The following CNTNAP2 variants were observed in gnomAD, a reference collection of about 807,000 sequenced individuals.
The protein encoded by CNTNAP2 is contactin associated protein 2.
CNTNAP2 carries 98 observed loss-of-function variants against 155.2 expected under a neutral mutation model. The observed-to-expected ratio is 0.63, with a 90% CI of 0.54 to 0.75. The LOEUF is 0.75. Ranked by LOEUF, CNTNAP2 falls within the 30% of genes least tolerant of loss-of-function variation. CNTNAP2 has a pLI of 0.00. For synonymous variants in CNTNAP2, 651 were observed against 631.2 expected, an observed-to-expected ratio of 1.03 and a Z score of -0.47; for missense variants, 1,727 against 1,688.1, an observed-to-expected ratio of 1.02 and a Z score of -0.40.
At chr7:146,426,493 A>G (rs1796093434) in intron 1 of CNTNAP2, among the ~76,000 whole-genome samples, 1 of 151,236 alleles carries the variant, frequency 6.6e-6, no homozygotes, top group African/African-American at 2.4e-5. Flanking sequence ...ACATATACAC[A>G]TATATATCTA....
intron 13 of CNTNAP2, among the ~76,000 whole-genome samples, chr7:147,791,045 A>G (rs186394009): frequency 2.4e-4 from 37 of 152,232 alleles, no homozygotes; most frequent in Non-Finnish European, 4.0e-4. Flanking sequence ...CTATTACATT[A>G]TTATTTTTAA....
intron 13 of CNTNAP2, among the ~76,000 whole-genome samples, chr7:147,882,589 A>G (rs993129908): frequency 6.6e-6 from 1 of 152,200 alleles, no homozygotes; most frequent in Admixed American, 6.5e-5. Context: ...TAGTGGGACC[A>G]GAGTGGAGGT....
At chr7:146,524,016 A>C (rs748023569) in intron 1 of CNTNAP2, among the ~76,000 whole-genome samples, 1 of 152,124 alleles carries the variant, frequency 6.6e-6, no homozygotes, top group African/African-American at 2.4e-5. Context: ...CAGTAAGCTA[A>C]ATTCCAGATG....
At chr7:148,356,996 A>G (rs557416244) in intron 21 of CNTNAP2, among the ~76,000 whole-genome samples, 1 of 152,180 alleles carries the variant, frequency 6.6e-6, no homozygotes, top group South Asian at 2.1e-4. Flanking sequence ...CCTGCGTGAT[A>G]TATACTGTAG....
chr7:146,721,889 A>ATATATATATATTTTTTTTT lies in CNTNAP2; in HGVS notation c.98-52381_98-52380insATATATATATTTTTTTTTT. Among the ~76,000 whole-genome samples, 2 of 69,738 alleles carry ATATATATATATTTTTTTTT rather than the reference A, an allele frequency of 2.9e-5. 1 individual carries two copies. Among genetic ancestry groups the ATATATATATATTTTTTTTT allele is most frequent in the African/African-American group, 3.8e-4 (2 of 5,258 alleles). The allele number at this position is 69,738 out of a possible 152,430, so 45.8% of individuals were successfully genotyped here. A position where few individuals can be genotyped will look rare whatever the true frequency, so the allele number is the denominator to read the frequency against. On this transcript the variant is annotated intron_variant, in intron 1 of 23. Transcript: ENST00000361727. ...TGTGTGTGTGTGTATATATATATAT[A>ATATATATATATTTTTTTTT]TTTTTTTTTTTTTTTTTGAGATGGA... is the stretch of plus-strand genomic sequence containing the variant.
intron 12 of CNTNAP2, among the ~76,000 whole-genome samples, chr7:147,633,262 C>T (rs1356401355): frequency 6.6e-6 from 1 of 152,172 alleles, no homozygotes; most frequent in Non-Finnish European, 1.5e-5. Context: ...CCTGTGGGTA[C>T]ACAGAAGTCA....
chr7:147,840,152 C>G (rs1798705657), intron 13 of CNTNAP2, among the ~76,000 whole-genome samples: 1 of 151,916 alleles, frequency 6.6e-6, no homozygotes, highest in African/African-American at 2.4e-5. Context: ...ATAATAGACA[C>G]TGGAGGCTCA....
At position 147,206,926 on chromosome 7, in the gene CNTNAP2, C is replaced by T. The variant is rs148935989; in HGVS notation, c.1348+74417C>T. On this transcript the variant is annotated intron_variant, in intron 8 of 23. Transcript: ENST00000361727. ...GAAGCTTACAAAATCATCAGAACTA[C>T]TGGTGGAGCAAAGGTGACGGAAATT... is the stretch of plus-strand genomic sequence containing the variant. 1.6e-4 allele frequency among the ~76,000 whole-genome samples: 24 copies of T among 152,280 alleles called. No individual in the cohort carries two copies. In the East Asian group the frequency reaches 4.4e-3, roughly 28 times the overall value.
intron 1 of CNTNAP2, among the ~76,000 whole-genome samples, chr7:146,133,651 C>A (rs1332921927): frequency 2.0e-5 from 3 of 152,162 alleles, no homozygotes; most frequent in African/African-American, 7.2e-5. Flanking sequence ...GTTTTCCCAG[C>A]ACCATTTATT....
intron 8 of CNTNAP2, among the ~76,000 whole-genome samples, chr7:147,291,000 A>G (rs1385196508): frequency 6.6e-6 from 1 of 152,176 alleles, no homozygotes; most frequent in Non-Finnish European, 1.5e-5. Flanking sequence ...GGATGAGTAT[A>G]TACACTTAGA....
chr7:147,956,559 C>T (rs562908701), intron 14 of CNTNAP2, among the ~76,000 whole-genome samples: 15 of 152,170 alleles, frequency 9.9e-5, no homozygotes, highest in African/African-American at 3.4e-4. Context: ...TGCCTGAAGA[C>T]ACATGCCCAT....
chr7:147,990,208 G>T (rs1452633388), intron 15 of CNTNAP2, among the ~76,000 whole-genome samples: 2 of 152,212 alleles, frequency 1.3e-5, no homozygotes, highest in African/African-American at 4.8e-5. Context: ...GAGGTCGGGG[G>T]AAGCTTCAGA....
intron 13 of CNTNAP2, among the ~76,000 whole-genome samples, chr7:147,759,394 A>G (rs1357902): frequency 0.19 from 28,807 of 152,088 alleles, 3,087 homozygotes; most frequent in Middle Eastern, 0.38. Flanking sequence ...TGATGTCCCA[A>G]TGCTCTTTGC....
chr7:147,812,653 T>C (rs1798199390), intron 13 of CNTNAP2, among the ~76,000 whole-genome samples: 2 of 152,088 alleles, frequency 1.3e-5, no homozygotes. Flanking sequence ...CCTCAGGTCC[T>C]CTCTCTGCTC....
intron 21 of CNTNAP2, among the ~76,000 whole-genome samples, chr7:148,313,515 CA>C (rs1797633896): frequency 6.6e-6 from 1 of 152,256 alleles, no homozygotes; most frequent in Admixed American, 6.5e-5. Flanking sequence ...GCACTTGTAG[CA>C]AGCTCCCGGG....
intron 14 of CNTNAP2, among the ~76,000 whole-genome samples, chr7:147,903,933 T>C (rs1799917337): frequency 1.3e-5 from 2 of 152,202 alleles, no homozygotes; most frequent in Non-Finnish European, 2.9e-5. Context: ...ATTTAGAAAC[T>C]GAGACATAAT....
chr7:146,959,044 T>C (rs1292798258), intron 3 of CNTNAP2, among the ~76,000 whole-genome samples: 1 of 151,724 alleles, frequency 6.6e-6, no homozygotes, highest in East Asian at 2.0e-4. Flanking sequence ...TTTTGAGATG[T>C]AGTCTTGCTC....
At chr7:146,836,935 GT>G (rs1450013025) in intron 2 of CNTNAP2, among the ~76,000 whole-genome samples, 2 of 151,854 alleles carry the variant, frequency 1.3e-5, no homozygotes, top group African/African-American at 4.8e-5. Flanking sequence ...CTGTTAGGTT[GT>G]TTCATTGTCA....
At chr7:146,859,371 TC>T (rs1231895214) in intron 3 of CNTNAP2, among the ~76,000 whole-genome samples, 2 of 152,150 alleles carry the variant, frequency 1.3e-5, no homozygotes, top group Non-Finnish European at 2.9e-5. Flanking sequence ...CAAATTATAA[TC>T]CTTGTTGGGT....
Sources: gnomAD v4.1 joint callset for allele counts (sites outside exome capture counted in the v4.1 genomes callset) on GRCh38, gnomAD v4.1.1 for gene constraint, MANE v1.5 for transcripts, NCBI Gene and HGNC (gene_info 2026-07-23, HGNC 2026-07-21) for gene names.